The following SNX29 variants were observed in gnomAD, a reference collection of about 807,000 sequenced individuals.
The protein encoded by SNX29 is sorting nexin-29.
SNX29 carries 78 observed loss-of-function variants against 102.1 expected under a neutral mutation model. The observed-to-expected ratio is 0.76, with a 90% CI of 0.64 to 0.92. The LOEUF (loss-of-function observed/expected upper bound fraction) is 0.92, where lower values mean the gene tolerates loss of function less well. Ranked by LOEUF, SNX29 falls within the 40% of genes least tolerant of loss-of-function variation. SNX29 has a pLI of 0.00. For missense variants in SNX29, 1,280 were observed against 1,061.7 expected (o/e 1.21, Z -2.86); for synonymous variants, 580 against 414.5 (o/e 1.40, Z -4.85).
intron 15 of SNX29, among the ~76,000 whole-genome samples, chr16:12,297,613 A>G (rs1017444772): frequency 3.9e-5 from 6 of 152,058 alleles, no homozygotes; most frequent in Admixed American, 3.9e-4. Flanking sequence ...AAAAAATGAT[A>G]ACCGTGGGTG....
intron 11 of SNX29, among the ~76,000 whole-genome samples, chr16:12,122,415 G>C (rs534754141): frequency 3.3e-5 from 5 of 152,152 alleles, no homozygotes; most frequent in African/African-American, 7.2e-5. Context: ...GCAAGAGTAA[G>C]ACAGGGCAGG....
chr16:11,992,879 G>C (rs1370180333), intron 1 of SNX29, among the ~76,000 whole-genome samples: 2 of 152,256 alleles, frequency 1.3e-5, no homozygotes, highest in African/African-American at 2.4e-5. Context: ...AATATCTGCA[G>C]GGCTGGGCGT....
At chr16:12,464,037 A>C (rs2086938035) in intron 18 of SNX29, among the ~76,000 whole-genome samples, 1 of 151,666 alleles carries the variant, frequency 6.6e-6, no homozygotes, top group Admixed American at 6.6e-5. Context: ...GCCCCTGGCA[A>C]CCCCCGTCTG....
chr16:12,015,236 G>C (rs1431591707), intron 3 of SNX29, among the ~76,000 whole-genome samples: 1 of 151,670 alleles, frequency 6.6e-6, no homozygotes, highest in Admixed American at 6.6e-5. Flanking sequence ...CCAAGTTATA[G>C]TTCTTTTTTT....
At chr16:11,993,569 C>G (rs2055936367) in intron 1 of SNX29, among the ~76,000 whole-genome samples, 2 of 152,088 alleles carry the variant, frequency 1.3e-5, no homozygotes, top group East Asian at 1.9e-4. Flanking sequence ...TACAATTTCC[C>G]TCATTTTATC....
rs1465069463 is a variant in SNX29 at position 12,570,256 on chromosome 16, A to C, written c.*1627A>C. 4.7e-6 allele frequency: 5 copies of C among 1,065,172 alleles called. No homozygotes were observed. Among genetic ancestry groups the C allele is most frequent in the Non-Finnish European group, 5.7e-6 (5 of 879,220 alleles). 66.0% of individuals were successfully genotyped at this position (1,065,172 alleles called of 1,614,324 possible). The stretch of plus-strand genomic sequence containing the variant: ...CCGGTGAGACCAAATGAGCTGGAGC[A>C]TGTATGGAGGTGCGGACCCTGCAGT... On this transcript the variant is annotated 3_prime_UTR_variant, in exon 21 of 21. Transcript: ENST00000566228.
chr16:12,293,467 G>C (rs924498690), intron 15 of SNX29, among the ~76,000 whole-genome samples: 1 of 152,184 alleles, frequency 6.6e-6, no homozygotes, highest in Non-Finnish European at 1.5e-5. Context: ...CTGCGGTAGA[G>C]GTTAAGCTCA....
rs547936984 is a variant in SNX29, at chr16:12,369,467, C to T, written c.1899+13188C>T. On this transcript the variant is annotated intron_variant, in intron 16 of 20. Transcript: ENST00000566228. ...TCATATCTTAATATGATGTCATGAG[C>T]ATGGGAAAGGGGTTCCTGTGCCTGG... is the stretch of plus-strand genomic sequence containing the variant. 1.9e-4 allele frequency among the ~76,000 whole-genome samples: 29 copies of T among 152,236 alleles called. No individual in the cohort carries two copies. In the South Asian group the frequency reaches 6.0e-3, roughly 32 times the overall value.
chr16:12,348,402 T>G (rs933977927), intron 15 of SNX29, among the ~76,000 whole-genome samples: 1 of 152,232 alleles, frequency 6.6e-6, no homozygotes, highest in African/African-American at 2.4e-5. Context: ...TCTTACTTAC[T>G]CTAGGTGCCC....
At chr16:12,408,539 G>A (rs902970102) in intron 18 of SNX29, among the ~76,000 whole-genome samples, 4 of 152,236 alleles carry the variant, frequency 2.6e-5, no homozygotes, top group African/African-American at 7.2e-5. Flanking sequence ...AAAGTCCTCC[G>A]GCCAGGTGCA....
Position 12,413,674 on chromosome 16 carries a change from C to T in SNX29, c.2037+10145C>T, listed in dbSNP as rs150490321. 3.7e-3 allele frequency among the ~76,000 whole-genome samples: 558 copies of T among 152,290 alleles called. 2 individuals carry two copies. Among genetic ancestry groups the T allele is most frequent in the African/African-American group, 0.013 (535 of 41,568 alleles). On this transcript the variant is annotated intron_variant, in intron 18 of 20. Coordinates refer to ENST00000566228, the MANE Select transcript of SNX29 (RefSeq NM_032167.5). ...GGAGACAGCTTGTTCATCCTCTCTC[C>T]TGTTGAGTCGTCTTGGAGGTGGGCA...
intron 15 of SNX29, among the ~76,000 whole-genome samples, chr16:12,332,800 C>T (rs563567085): frequency 4.6e-5 from 7 of 152,242 alleles, no homozygotes; most frequent in Non-Finnish European, 8.8e-5. Flanking sequence ...TCAGTCCTCA[C>T]GGTCCTGTCT....
intron 18 of SNX29, among the ~76,000 whole-genome samples, chr16:12,466,787 T>C (rs570897654): frequency 2.6e-5 from 4 of 152,264 alleles, no homozygotes; most frequent in Admixed American, 6.5e-5. Flanking sequence ...CTGCCTGGGC[T>C]CTTGGGTCCT....
chr16:12,189,834 T>TC (rs1232319161), intron 13 of SNX29, among the ~76,000 whole-genome samples: 1 of 152,064 alleles, frequency 6.6e-6, no homozygotes, highest in Non-Finnish European at 1.5e-5. Context: ...GCTGAATCCG[T>TC]CCCATCCATC....
chr16:12,458,846 C>T (rs1198651749), intron 18 of SNX29, among the ~76,000 whole-genome samples: 1 of 152,218 alleles, frequency 6.6e-6, no homozygotes, highest in Non-Finnish European at 1.5e-5. Context: ...CAGGAGAAAA[C>T]TACCCAGATA....
At chr16:12,541,036 T>C (rs1199873030) in intron 20 of SNX29, among the ~76,000 whole-genome samples, 1 of 152,212 alleles carries the variant, frequency 6.6e-6, no homozygotes, top group Non-Finnish European at 1.5e-5. Flanking sequence ...TGGTCATCTC[T>C]GTAGTCTGGC....
At chr16:12,376,448 G>GA (rs2082876383) in intron 16 of SNX29, among the ~76,000 whole-genome samples, 1 of 152,060 alleles carries the variant, frequency 6.6e-6, no homozygotes, top group South Asian at 2.1e-4. Flanking sequence ...GAAAATCTGT[G>GA]GCAGGGGCCA....
intron 19 of SNX29, among the ~76,000 whole-genome samples, chr16:12,512,120 G>A (rs1474097008): frequency 7.2e-5 from 11 of 151,754 alleles, no homozygotes; most frequent in South Asian, 2.1e-4. Context: ...TTCTGGCTTC[G>A]TGGTACAGGC....
At chr16:12,513,214 G>T (rs941207165) in intron 19 of SNX29, among the ~76,000 whole-genome samples, 1 of 141,846 alleles carries the variant, frequency 7.0e-6, no homozygotes. Flanking sequence ...CTGCCCTACT[G>T]TGCCTGCCTT....
Sources: allele counts gnomAD v4.1 joint callset (sites outside exome capture counted in the v4.1 genomes callset), GRCh38; gene constraint gnomAD v4.1.1; transcripts MANE v1.5; gene names NCBI Gene and HGNC (gene_info 2026-07-23, HGNC 2026-07-21).